ANO2: variants seen among roughly 807,000 people sequenced by gnomAD.
ANO2 encodes anoctamin 2.
Under a neutral mutation model 124.2 loss-of-function variants are expected in ANO2, and 101 were observed. The observed-to-expected ratio is 0.81, with a 90% CI of 0.69 to 0.96. The LOEUF is 0.96. Among genes scored for constraint, ANO2 ranks in the 40% least tolerant of loss-of-function variants. The pLI, the probability that ANO2 is intolerant of heterozygous loss-of-function variation, is 0.00. For missense variants in ANO2, 1,293 were observed against 1,274.5 expected (o/e 1.01, Z -0.22); for synonymous variants, 486 against 482.5 (o/e 1.01, Z -0.09).
intron 14 of ANO2, among the ~76,000 whole-genome samples, chr12:5,703,805 C>G (rs1172181925): frequency 6.6e-6 from 1 of 152,166 alleles, no homozygotes. Context: ...CTTCAACCTC[C>G]CAAAATGCTG....
At chr12:5,833,972 G>T (rs1159850793) in intron 4 of ANO2, among the ~76,000 whole-genome samples, 1 of 152,006 alleles carries the variant, frequency 6.6e-6, no homozygotes, top group Non-Finnish European at 1.5e-5. Flanking sequence ...AGTCTACGGA[G>T]GCGTCCTGAG....
chr12:5,727,184 T>C (rs570530649), intron 14 of ANO2, among the ~76,000 whole-genome samples: 1 of 152,106 alleles, frequency 6.6e-6, no homozygotes, highest in Non-Finnish European at 1.5e-5. Context: ...CATGGCTTGG[T>C]GCTGTCTTTG....
At chr12:5,673,016 T>C (rs1374314523) in intron 14 of ANO2, among the ~76,000 whole-genome samples, 1 of 152,320 alleles carries the variant, frequency 6.6e-6, no homozygotes, top group African/African-American at 2.4e-5. Context: ...TATGTCTCCA[T>C]CTGCCCAGGT....
At chr12:5,923,314 C>T (rs1467363955) in intron 1 of ANO2, among the ~76,000 whole-genome samples, 1 of 151,052 alleles carries the variant, frequency 6.6e-6, no homozygotes, top group African/African-American at 2.4e-5. Context: ...AGCAGGAGCT[C>T]CTTCGGATCA....
intron 4 of ANO2, chr12:5,852,038 T>A: frequency 1.4e-6 from 1 of 707,374 alleles, no homozygotes. Flanking sequence ...ACATTACACA[T>A]TCAGATAAAC....
In ANO2 at chr12:5,636,549, G is replaced by A. The variant is rs998156056; in HGVS notation, c.1621-1202C>T. On this transcript the variant is annotated intron_variant, in intron 15 of 24. Transcript: ENST00000682330. The surrounding 1 kb of genome is among the most constrained non-coding windows in gnomAD (Gnocchi z 4.6). ...GGCTATGAAGGACTAAATAGAAAAC[G>A]TAGGGAGAGAAAACAGCAGGTGGAA... Among the ~76,000 whole-genome samples, 6 of 148,666 alleles carry A rather than the reference G, an allele frequency of 4.0e-5. No homozygotes were observed. The highest frequency in any genetic ancestry group is 1.5e-4 in the African/African-American group (6 of 40,662).
intron 3 of ANO2, among the ~76,000 whole-genome samples, chr12:5,914,509 C>A (rs1415653921): frequency 3.3e-5 from 5 of 152,160 alleles, no homozygotes; most frequent in Non-Finnish European, 7.4e-5. Context: ...CCGAAAGCAG[C>A]TGTGGGCCCC....
At chr12:5,713,011 G>C (rs1949871051) in intron 14 of ANO2, among the ~76,000 whole-genome samples, 1 of 152,178 alleles carries the variant, frequency 6.6e-6, no homozygotes, top group Admixed American at 6.5e-5. Context: ...TTTTAATCAA[G>C]GGAGTCACAT....
At chr12:5,674,564 G>A (rs1166491881) in intron 14 of ANO2, among the ~76,000 whole-genome samples, 1 of 152,170 alleles carries the variant, frequency 6.6e-6, no homozygotes, top group Non-Finnish European at 1.5e-5. Context: ...GCCTTCTATC[G>A]GCTGTCGTGG....
rs768424564 is a variant in ANO2, at chr12:5,904,996, A to G, written c.534+16044T>C. 1.3e-5 allele frequency among the ~76,000 whole-genome samples: 2 copies of G among 152,196 alleles called. No homozygotes were observed. Among genetic ancestry groups the G allele is most frequent in the Non-Finnish European group, 2.9e-5 (2 of 68,022 alleles). ...CCCTGAACTTTCTTAAGTGGCTGACAATCCAAACAGTGGACTCTAGGACTC... is the reference window on the plus strand; with the variant it reads ...CCCTGAACTTTCTTAAGTGGCTGACGATCCAAACAGTGGACTCTAGGACTC... On this transcript the variant is annotated intron_variant, in intron 3 of 24. Transcript: ENST00000682330. The surrounding 1 kb of genome is among the most constrained non-coding windows in gnomAD (Gnocchi z 4.1).
At chr12:5,759,300 T>A (rs1375687770) in intron 10 of ANO2, among the ~76,000 whole-genome samples, 1 of 152,146 alleles carries the variant, frequency 6.6e-6, no homozygotes, top group African/African-American at 2.4e-5. Context: ...AAAATTTTAA[T>A]TAAGCTTGTG....
At chr12:5,788,802 G>T (rs936780830) in intron 10 of ANO2, among the ~76,000 whole-genome samples, 1 of 152,076 alleles carries the variant, frequency 6.6e-6, no homozygotes, top group East Asian at 1.9e-4. Context: ...CAGGTGATCC[G>T]CCCACCTCGG....
chr12:5,610,083 AATAT>A (rs1196612496), intron 19 of ANO2, among the ~76,000 whole-genome samples: 9 of 134,028 alleles, frequency 6.7e-5, no homozygotes, highest in Non-Finnish European at 1.1e-4. Flanking sequence ...ATATAATATA[AATAT>A]ATATATTTAT....
intron 1 of ANO2, among the ~76,000 whole-genome samples, chr12:5,939,464 T>C (rs1942808207): frequency 6.6e-6 from 1 of 152,164 alleles, no homozygotes; most frequent in African/African-American, 2.4e-5. Flanking sequence ...TCCCTGCCTT[T>C]GAGTATCTCT....
intron 1 of ANO2, among the ~76,000 whole-genome samples, chr12:5,931,517 GACA>G: frequency 1.3e-5 from 2 of 150,572 alleles, no homozygotes; most frequent in Admixed American, 6.6e-5. Context: ...GAGGAAAGAA[GACA>G]GACTAGTAAG....
chr12:5,836,987 A>G (rs1017413627), intron 4 of ANO2, among the ~76,000 whole-genome samples: 2 of 152,228 alleles, frequency 1.3e-5, no homozygotes, highest in Non-Finnish European at 2.9e-5. Context: ...TGTTTTATGA[A>G]TGAATGAATG....
intron 20 of ANO2, among the ~76,000 whole-genome samples, chr12:5,587,692 T>C (rs1460646870): frequency 6.6e-6 from 1 of 152,126 alleles, no homozygotes; most frequent in Non-Finnish European, 1.5e-5. Flanking sequence ...GGTTTGATAT[T>C]GGAGATTCCC....
rs1341250927 is a variant in ANO2 at position 5,812,587 on chromosome 12, GAA to G, written c.893-5221_893-5220del. The stretch of plus-strand genomic sequence containing the variant: ...AGAAAAAGAAAAAAAGAAAGAGAAA[GAA>G]AGAGGAAGAAGAAAAAGGAAGGAAG... On this transcript the variant is annotated intron_variant, in intron 7 of 24. Coordinates refer to ENST00000682330, the MANE Select transcript of ANO2 (RefSeq NM_001364791.2). 1.7e-3 allele frequency among the ~76,000 whole-genome samples: 4 copies of G among 2,340 alleles called. 1 individual carries two copies. The East Asian group carries it at 0.036, about 21-fold the overall frequency. 1.5% of individuals were successfully genotyped at this position (2,340 alleles called of 152,430 possible). A position where few individuals can be genotyped will look rare whatever the true frequency, so the allele number is the denominator to read the frequency against.
chr12:5,591,137 G>A (rs1003894163), intron 20 of ANO2, among the ~76,000 whole-genome samples: 7 of 152,146 alleles, frequency 4.6e-5, no homozygotes, highest in Non-Finnish European at 8.8e-5. Context: ...CCAAGATTGC[G>A]CCACTGCACT....
Sources: gnomAD v4.1 joint callset for allele counts (sites outside exome capture counted in the v4.1 genomes callset) on GRCh38, gnomAD v4.1.1 for gene constraint, Gnocchi (gnomAD v3.1) non-coding constraint, MANE v1.5 for transcripts, NCBI Gene and HGNC (gene_info 2026-07-23, HGNC 2026-07-21) for gene names.